The following PTK2B variants were observed in gnomAD, a reference collection of about 807,000 sequenced individuals.
PTK2B encodes the protein protein tyrosine kinase 2 beta, also known as protein-tyrosine kinase 2-beta.
A neutral mutation model predicts 142.9 loss-of-function variants in PTK2B; 71 were observed. The ratio of observed to expected loss-of-function variants is 0.50; its 90% CI spans 0.41 to 0.61. The LOEUF (loss-of-function observed/expected upper bound fraction) is 0.61. Ranked by LOEUF, PTK2B falls within the 20% of genes least tolerant of loss-of-function variation. The pLI, the probability that PTK2B is intolerant of heterozygous loss-of-function variation, is 0.00. For missense variants in PTK2B, 1,105 were observed against 1,320.4 expected (o/e 0.84, Z 2.53); for synonymous variants, 519 against 503.4 (o/e 1.03, Z -0.42).
chr8:27,413,322 G>C (rs1809184573), intron 2 of PTK2B, among the ~76,000 whole-genome samples: 1 of 152,212 alleles, frequency 6.6e-6, no homozygotes, highest in Admixed American at 6.5e-5. Flanking sequence ...CAGGAAGTCA[G>C]CGTTGCTATA....
chr8:27,447,723 G>A (rs1464590423), intron 24 of PTK2B, among the ~76,000 whole-genome samples: 5 of 152,196 alleles, frequency 3.3e-5, no homozygotes, highest in African/African-American at 4.8e-5. Flanking sequence ...AGTCAGGCAT[G>A]GTAGTGTGCA....
intron 1 of PTK2B, among the ~76,000 whole-genome samples, chr8:27,350,989 AAATATATATATATATATATAT>A (rs1394286901): frequency 3.9e-4 from 7 of 17,724 alleles, no homozygotes; most frequent in Admixed American, 2.1e-3. Flanking sequence ...AAAAAAAAAA[AAATATATATATATATATATAT>A]ATATATATAT....
chr8:27,390,382 C>T (rs1344063770), intron 1 of PTK2B, among the ~76,000 whole-genome samples: 3 of 152,112 alleles, frequency 2.0e-5, no homozygotes, highest in African/African-American at 7.2e-5. Context: ...TACCTGTAAT[C>T]CCAGCACTTT....
intron 27 of PTK2B, 109 bp from the exon 28 acceptor site, chr8:27,453,005 G>A (rs774491298): frequency 2.7e-5 from 36 of 1,323,002 alleles, no homozygotes; most frequent in Non-Finnish European, 3.6e-5. Context: ...TAATTTCCCT[G>A]AAGTCTCCTG....
chr8:27,436,333 T>A lies in PTK2B; in HGVS notation c.1326T>A (p.Gly442=), dbSNP rs1381250010. 6.2e-7 allele frequency: 1 copy of A among 1,613,486 alleles called. No individual in the cohort carries two copies. The highest frequency in any genetic ancestry group is 1.7e-5 in the Admixed American group (1 of 60,022). The part of the protein sequence containing the change: ...GEGFFGEVYE[G]VYTNHKGEKI... ...GCTTTTTTGGGGAGGTCTATGAAGG[T>A]GTCTACACAAATCACGTGAGTTCTA... Residue 442 remains glycine, a synonymous_variant, in exon 15 of 31, where the codon GGT becomes GGA. Transcript: ENST00000346049.
intron 1 of PTK2B, among the ~76,000 whole-genome samples, chr8:27,389,598 AG>A (rs1008561678): frequency 1.3e-5 from 2 of 152,210 alleles, no homozygotes; most frequent in African/African-American, 2.4e-5. Context: ...AGCTGGCAAC[AG>A]GGGGACTCCC....
intron 1 of PTK2B, among the ~76,000 whole-genome samples, chr8:27,383,268 A>G (rs1229940398): frequency 2.0e-5 from 3 of 151,952 alleles, no homozygotes; most frequent in African/African-American, 4.8e-5. Context: ...ACACGCCGAG[A>G]TGGAGTCTTG....
intron 2 of PTK2B, among the ~76,000 whole-genome samples, chr8:27,408,488 G>A (rs1270877230): frequency 6.6e-6 from 1 of 152,218 alleles, no homozygotes; most frequent in Non-Finnish European, 1.5e-5. Context: ...CTAAACCTAA[G>A]CATAAAAATG....
chr8:27,420,956 T>C (rs1436861375), intron 4 of PTK2B, among the ~76,000 whole-genome samples: 1 of 152,220 alleles, frequency 6.6e-6, no homozygotes, highest in East Asian at 1.9e-4. Flanking sequence ...AACTGCCCCA[T>C]GTGCTCCCAG....
At chr8:27,395,620 G>A (rs181204064) in intron 1 of PTK2B, among the ~76,000 whole-genome samples, 1 of 152,262 alleles carries the variant, frequency 6.6e-6, no homozygotes, top group Non-Finnish European at 1.5e-5. Flanking sequence ...TCTCCCTTGT[G>A]CAGAACTGGC....
chr8:27,336,239 A>G (rs760825223), intron 1 of PTK2B, among the ~76,000 whole-genome samples: 6 of 152,234 alleles, frequency 3.9e-5, no homozygotes, highest in Non-Finnish European at 2.9e-5. Context: ...AAGAAAGTTC[A>G]TTGCTATCAT....
intron 3 of PTK2B, among the ~76,000 whole-genome samples, chr8:27,317,034 C>T (rs1416585534): frequency 1.3e-5 from 2 of 152,206 alleles, no homozygotes; most frequent in Non-Finnish European, 2.9e-5. Context: ...TTCATCCTCT[C>T]TCTGGTCAGC....
At chr8:27,418,627 C>T (rs1312114988) in intron 2 of PTK2B, among the ~76,000 whole-genome samples, 1 of 152,188 alleles carries the variant, frequency 6.6e-6, no homozygotes, top group Non-Finnish European at 1.5e-5. Context: ...AGAGATACGT[C>T]GGTGCCTTCG....
chr8:27,342,858 C>T (rs1427457784), intron 1 of PTK2B, among the ~76,000 whole-genome samples: 1 of 152,190 alleles, frequency 6.6e-6, no homozygotes, highest in African/African-American at 2.4e-5. Context: ...GTATTCCATC[C>T]ATATCTGCTG....
chr8:27,399,266 G>A (rs1808239065), intron 2 of PTK2B, among the ~76,000 whole-genome samples: 1 of 152,224 alleles, frequency 6.6e-6, no homozygotes, highest in African/African-American at 2.4e-5. Context: ...CATAGAGTCA[G>A]CAGTGAAAAG....
intron 1 of PTK2B, among the ~76,000 whole-genome samples, chr8:27,372,236 A>C (rs939042854): frequency 6.6e-6 from 1 of 152,214 alleles, no homozygotes; most frequent in African/African-American, 2.4e-5. Flanking sequence ...TATTAGTCCA[A>C]GTTCCCCAGA....
At chr8:27,315,409 A>G (rs1007409974) in intron 3 of PTK2B, among the ~76,000 whole-genome samples, 1 of 152,152 alleles carries the variant, frequency 6.6e-6, no homozygotes, top group Non-Finnish European at 1.5e-5. Flanking sequence ...TGGTTCAAAA[A>G]TTAACCTTAG....
At position 27,325,573 on chromosome 8, in the gene PTK2B, C is replaced by T. The variant is rs1246398159; in HGVS notation, c.-146C>T. 3 of 152,404 alleles carry T rather than the reference C, an allele frequency of 2.0e-5. No homozygotes were observed. The highest frequency in any genetic ancestry group is 7.2e-5 in the African/African-American group (3 of 41,462). The allele number at this position is 152,404 out of a possible 1,614,324, so 9.4% of individuals were successfully genotyped here. On this transcript the variant is annotated 5_prime_UTR_variant, in exon 1 of 31. Transcript: ENST00000346049. ...CAGCCCTTTTACTCAGCCACAGCCT[C>T]CGGAGCCGTTGCACACCTACCTGCC...
At chr8:27,403,303 G>A (rs749954201) in intron 2 of PTK2B, among the ~76,000 whole-genome samples, 10 of 152,126 alleles carry the variant, frequency 6.6e-5, no homozygotes, top group African/African-American at 1.9e-4. Flanking sequence ...GTCGCGAATC[G>A]CCCTGAACAG....
Sources: allele counts gnomAD v4.1 joint callset (sites outside exome capture counted in the v4.1 genomes callset), GRCh38; gene constraint gnomAD v4.1.1; transcripts MANE v1.5; gene names NCBI Gene and HGNC (gene_info 2026-07-23, HGNC 2026-07-21).